PTN: variants seen among roughly 807,000 people sequenced by gnomAD.
The protein encoded by PTN is pleiotrophin.
A neutral mutation model predicts 24.1 loss-of-function variants in PTN; 18 were observed. That is an observed-to-expected ratio of 0.75 (90% CI 0.52 to 1.11). The LOEUF is 1.11. Ranked by LOEUF, PTN falls within the 50% of genes least tolerant of loss-of-function variation. PTN has a pLI of 0.00. For missense variants in PTN, 163 were observed against 198.8 expected (o/e 0.82, Z 1.08); for synonymous variants, 78 against 68.6 (o/e 1.14, Z -0.67).
chr7:137,281,532 C>T (rs1809474461), intron 1 of PTN, among the ~76,000 whole-genome samples: 1 of 152,210 alleles, frequency 6.6e-6, no homozygotes, highest in Admixed American at 6.5e-5. Context: ...TGCAGACTCT[C>T]AAGCCTTACT....
chr7:137,241,362 A>C (rs1425611838), intron 4 of PTN, among the ~76,000 whole-genome samples: 3 of 152,146 alleles, frequency 2.0e-5, no homozygotes, highest in Non-Finnish European at 4.4e-5. Context: ...ATTAAATGAC[A>C]CCCTGTGTGA....
intron 4 of PTN, among the ~76,000 whole-genome samples, chr7:137,231,971 T>C (rs1191947929): frequency 6.6e-6 from 1 of 151,952 alleles, no homozygotes. Context: ...AGCAGGGCTA[T>C]AATTAGTTAA....
At chr7:137,263,360 A>G (rs1359017328) in intron 1 of PTN, among the ~76,000 whole-genome samples, 1 of 152,110 alleles carries the variant, frequency 6.6e-6, no homozygotes, top group Non-Finnish European at 1.5e-5. Flanking sequence ...CTTGCCTTTG[A>G]TTATCTATGT....
intron 1 of PTN, among the ~76,000 whole-genome samples, chr7:137,257,266 T>C (rs1047762172): frequency 4.6e-5 from 7 of 152,236 alleles, no homozygotes; most frequent in Non-Finnish European, 1.0e-4. Context: ...GGCTAAATTC[T>C]TATTATATCA....
chr7:137,259,915 AC>A lies in PTN; in HGVS notation c.-1-4942del, dbSNP rs568951668. Among the ~76,000 whole-genome samples, 20 of 152,212 alleles carry A rather than the reference AC, an allele frequency of 1.3e-4. No homozygotes were observed. The South Asian group carries it at 4.1e-3, about 32-fold the overall frequency. ...TTTAACTTGTATGAAATAAGAAAAAACATCTCACTTTGCAACTACATATTAT... is the reference window on the plus strand; with the variant it reads ...TTTAACTTGTATGAAATAAGAAAAAAATCTCACTTTGCAACTACATATTAT... On this transcript the variant is annotated intron_variant, in intron 1 of 4. Transcript: ENST00000348225.
At chr7:137,339,208 G>A (rs573781617) in intron 1 of PTN, among the ~76,000 whole-genome samples, 18 of 152,148 alleles carry the variant, frequency 1.2e-4, no homozygotes, top group African/African-American at 3.1e-4. Flanking sequence ...GATTTTAATT[G>A]AGATCTCCTT....
intron 1 of PTN, among the ~76,000 whole-genome samples, chr7:137,324,487 G>A (rs1256097168): frequency 4.9e-5 from 7 of 141,436 alleles, no homozygotes. Context: ...TAAAAATTCT[G>A]ATTCATAGAT....
chr7:137,268,524 C>T (rs1490993543), intron 1 of PTN, among the ~76,000 whole-genome samples: 1 of 152,118 alleles, frequency 6.6e-6, no homozygotes, highest in African/African-American at 2.4e-5. Flanking sequence ...GGGTCGTGAT[C>T]GACTGAGCAA....
chr7:137,265,489 A>G (rs888308662), intron 1 of PTN, among the ~76,000 whole-genome samples: 4 of 152,232 alleles, frequency 2.6e-5, no homozygotes, highest in African/African-American at 9.6e-5. Context: ...CAGGTCTCCA[A>G]GGAATGCTAA....
At chr7:137,270,032 G>C (rs1369705559) in intron 1 of PTN, among the ~76,000 whole-genome samples, 2 of 152,162 alleles carry the variant, frequency 1.3e-5, no homozygotes, top group Non-Finnish European at 2.9e-5. Flanking sequence ...ATGTTTTGGA[G>C]TCACCTACCC....
intron 2 of PTN, among the ~76,000 whole-genome samples, chr7:137,254,574 A>G (rs1808886201): frequency 6.6e-6 from 1 of 151,970 alleles, no homozygotes; most frequent in Non-Finnish European, 1.5e-5. Flanking sequence ...GGTAAATAAT[A>G]AAGCACCTGA....
chr7:137,309,596 G>C (rs1429818196), intron 1 of PTN, among the ~76,000 whole-genome samples: 4 of 152,020 alleles, frequency 2.6e-5, no homozygotes, highest in Non-Finnish European at 4.4e-5. Context: ...TATCACCTAG[G>C]TTTATTAATA....
chr7:137,337,739 T>C (rs945896476), intron 1 of PTN, among the ~76,000 whole-genome samples: 2 of 151,514 alleles, frequency 1.3e-5, no homozygotes, highest in Non-Finnish European at 2.9e-5. Flanking sequence ...GGAAAGAGAG[T>C]GGGAGAAGTT....
chr7:137,282,294 T>A (rs1274737460), intron 1 of PTN, among the ~76,000 whole-genome samples: 1 of 152,252 alleles, frequency 6.6e-6, no homozygotes, highest in East Asian at 1.9e-4. Flanking sequence ...CAGAATGAAC[T>A]GCATACCATG....
At chr7:137,259,557 G>T (rs559314931) in intron 1 of PTN, among the ~76,000 whole-genome samples, 2 of 151,816 alleles carry the variant, frequency 1.3e-5, no homozygotes, top group Non-Finnish European at 2.9e-5. Flanking sequence ...AGTATTAGTT[G>T]CTGAATAAAA....
At chr7:137,327,319 T>C (rs1347410789) in intron 1 of PTN, among the ~76,000 whole-genome samples, 1 of 152,196 alleles carries the variant, frequency 6.6e-6, no homozygotes, top group Non-Finnish European at 1.5e-5. Flanking sequence ...TAGCTTTCAC[T>C]TGAAGCGTCT....
At chr7:137,279,178 G>A (rs1238432528) in intron 1 of PTN, among the ~76,000 whole-genome samples, 1 of 151,844 alleles carries the variant, frequency 6.6e-6, no homozygotes, top group Non-Finnish European at 1.5e-5. Context: ...ATTAAACCAA[G>A]TCCAACAAAT....
At chr7:137,277,184 G>C (rs1206462542) in intron 1 of PTN, among the ~76,000 whole-genome samples, 1 of 152,186 alleles carries the variant, frequency 6.6e-6, no homozygotes, top group African/African-American at 2.4e-5. Flanking sequence ...CATGTGAAAA[G>C]ACGCCCAGTG....
chr7:137,269,911 G>A (rs945819971), intron 1 of PTN, among the ~76,000 whole-genome samples: 16 of 152,174 alleles, frequency 1.1e-4, no homozygotes, highest in African/African-American at 2.9e-4. Flanking sequence ...GATTACAGGC[G>A]TGAGCCACCG....
Sources: allele counts gnomAD v4.1 joint callset (sites outside exome capture counted in the v4.1 genomes callset), GRCh38; gene constraint gnomAD v4.1.1; transcripts MANE v1.5; gene names NCBI Gene and HGNC (gene_info 2026-07-23, HGNC 2026-07-21).